The following DAB1 variants were observed in gnomAD, a reference collection of about 807,000 sequenced individuals.
DAB1 encodes the protein DAB adaptor protein 1, also known as disabled homolog 1.
A neutral mutation model predicts 64.6 loss-of-function variants in DAB1; 15 were observed. That is an observed-to-expected ratio of 0.23 (90% CI 0.16 to 0.36). The LOEUF is 0.36. Among genes scored for constraint, DAB1 ranks in the 10% least tolerant of loss-of-function variants. The pLI is 1.00. For missense variants in DAB1, 596 were observed against 706.7 expected (o/e 0.84, Z 1.78); for synonymous variants, 235 against 251.9 (o/e 0.93, Z 0.64).
intron 6 of DAB1, among the ~76,000 whole-genome samples, chr1:57,716,309 C>T (rs538102982): frequency 6.6e-6 from 1 of 152,288 alleles, no homozygotes; most frequent in South Asian, 2.1e-4. Context: ...AAAAATAAAG[C>T]TGGGGCATCA....
At chr1:57,634,994 T>C (rs1192469882) in intron 7 of DAB1, among the ~76,000 whole-genome samples, 1 of 152,154 alleles carries the variant, frequency 6.6e-6, no homozygotes, top group African/African-American at 2.4e-5. Flanking sequence ...GAGGACAGTC[T>C]AGGCAGAGGG....
intron 5 of DAB1, among the ~76,000 whole-genome samples, chr1:58,144,801 G>A (rs1406677786): frequency 6.6e-6 from 1 of 152,186 alleles, no homozygotes; most frequent in Non-Finnish European, 1.5e-5. Flanking sequence ...CCAGGTCAGA[G>A]TTGTGCCATG....
intron 4 of DAB1, among the ~76,000 whole-genome samples, chr1:58,283,689 A>T (rs1325781361): frequency 6.6e-6 from 1 of 152,204 alleles, no homozygotes; most frequent in Non-Finnish European, 1.5e-5. Flanking sequence ...AATTGTGAGG[A>T]TTAAATGAGA....
intron 5 of DAB1, among the ~76,000 whole-genome samples, chr1:57,968,615 G>A (rs1211760064): frequency 6.6e-6 from 1 of 152,106 alleles, no homozygotes; most frequent in Non-Finnish European, 1.5e-5. Context: ...TCTTCGAAAT[G>A]CTACAGACCA....
intron 2 of DAB1, among the ~76,000 whole-genome samples, chr1:57,243,475 ATG>A (rs1013932155): frequency 3.3e-5 from 5 of 151,242 alleles, no homozygotes; most frequent in African/African-American, 1.2e-4. Context: ...AATGAGATGC[ATG>A]TGTGTGTGTA....
intron 4 of DAB1, among the ~76,000 whole-genome samples, chr1:58,338,906 C>A (rs1421415459): frequency 2.0e-5 from 3 of 152,066 alleles, no homozygotes; most frequent in Non-Finnish European, 2.9e-5. Context: ...AAGCCAGACA[C>A]AAAAGGTCAC....
chr1:57,095,443 G>A (rs1041282373), intron 4 of DAB1, among the ~76,000 whole-genome samples: 1 of 152,160 alleles, frequency 6.6e-6, no homozygotes, highest in African/African-American at 2.4e-5. Flanking sequence ...ACTTTGCATA[G>A]ATATCACCAA....
intron 1 of DAB1, among the ~76,000 whole-genome samples, chr1:58,536,303 G>C (rs1257671624): frequency 6.6e-6 from 1 of 152,124 alleles, no homozygotes; most frequent in Admixed American, 6.5e-5. Flanking sequence ...GAAATGTGCT[G>C]AGCAGGAGTT....
At chr1:57,667,646 G>A (rs1646463683) in intron 6 of DAB1, among the ~76,000 whole-genome samples, 1 of 152,006 alleles carries the variant, frequency 6.6e-6, no homozygotes, top group Non-Finnish European at 1.5e-5. Context: ...AGCTACATAC[G>A]ATTTTTGGGC....
intron 5 of DAB1, among the ~76,000 whole-genome samples, chr1:58,137,433 A>G (rs1282298211): frequency 6.6e-6 from 1 of 152,062 alleles, no homozygotes; most frequent in Non-Finnish European, 1.5e-5. Context: ...TCCATTCATC[A>G]CCATCCATCC....
intron 1 of DAB1, among the ~76,000 whole-genome samples, chr1:57,849,185 T>C (rs903588972): frequency 2.0e-5 from 3 of 152,144 alleles, no homozygotes; most frequent in African/African-American, 7.2e-5. Flanking sequence ...TCCCCAGGAA[T>C]GTTCACAAAA....
At chr1:58,140,769 A>T (rs1654239557) in intron 5 of DAB1, among the ~76,000 whole-genome samples, 1 of 152,218 alleles carries the variant, frequency 6.6e-6, no homozygotes, top group Admixed American at 6.5e-5. Context: ...TGAATAAATC[A>T]CTGATAGAAT....
At chr1:57,671,951 G>A (rs1646515288) in intron 6 of DAB1, among the ~76,000 whole-genome samples, 1 of 152,046 alleles carries the variant, frequency 6.6e-6, no homozygotes, top group African/African-American at 2.4e-5. Flanking sequence ...ACCTTGGACA[G>A]TGTGTGCCAC....
At chr1:57,839,008 T>C (rs1450454491) in intron 1 of DAB1, among the ~76,000 whole-genome samples, 1 of 152,094 alleles carries the variant, frequency 6.6e-6, no homozygotes, top group Admixed American at 6.6e-5. Context: ...CTCAAACTCC[T>C]AGCTTCATGT....
At chr1:57,627,399 C>A (rs1190634227) in intron 7 of DAB1, among the ~76,000 whole-genome samples, 1 of 152,130 alleles carries the variant, frequency 6.6e-6, no homozygotes, top group Non-Finnish European at 1.5e-5. Context: ...CTCTAGTGAA[C>A]CCTCACTAAT....
At chr1:58,194,825 T>C (rs1278656153) in intron 4 of DAB1, among the ~76,000 whole-genome samples, 3 of 152,248 alleles carry the variant, frequency 2.0e-5, no homozygotes, top group African/African-American at 2.4e-5. Context: ...TAATTGGGAC[T>C]GAATAGTATC....
intron 2 of DAB1, among the ~76,000 whole-genome samples, chr1:57,272,320 G>T (rs1570121904): frequency 6.6e-6 from 1 of 152,168 alleles, no homozygotes; most frequent in Admixed American, 6.5e-5. Context: ...AGCTGAAGTG[G>T]GTGTCTCCTG....
intron 1 of DAB1, among the ~76,000 whole-genome samples, chr1:57,376,394 C>A (rs1264677868): frequency 6.6e-6 from 1 of 152,180 alleles, no homozygotes; most frequent in Non-Finnish European, 1.5e-5. Context: ...TTCCTACAAT[C>A]CTCATGTAAG....
intron 5 of DAB1, among the ~76,000 whole-genome samples, chr1:58,119,615 C>T (rs548821626): frequency 6.6e-6 from 1 of 152,216 alleles, no homozygotes; most frequent in South Asian, 2.1e-4. Flanking sequence ...ACCTGGAAAC[C>T]TGAGTCTCCA....
Sources: gnomAD v4.1 joint callset for allele counts (sites outside exome capture counted in the v4.1 genomes callset) on GRCh38, gnomAD v4.1.1 for gene constraint, MANE v1.5 for transcripts, NCBI Gene and HGNC (gene_info 2026-07-23, HGNC 2026-07-21) for gene names.